Variants in CACNA1C observed in about 807,000 individuals in gnomAD.
CACNA1C encodes the protein calcium voltage-gated channel subunit alpha1 C.
In CACNA1C, 30 loss-of-function variants were observed where a neutral mutation model predicts 229.0. That is an observed-to-expected ratio of 0.13 (90% CI 0.10 to 0.18). The LOEUF (loss-of-function observed/expected upper bound fraction) is 0.18, where lower values mean the gene tolerates loss of function less well. CACNA1C is among the 10% of genes least tolerant of loss of function. The pLI is 1.00. For missense variants in CACNA1C, 1,658 were observed against 2,845.0 expected (o/e 0.58, Z 9.49); for synonymous variants, 1,114 against 1,132.5 (o/e 0.98, Z 0.33).
intron 1 of CACNA1C, among the ~76,000 whole-genome samples, chr12:2,060,243 G>A (rs2056964340): frequency 6.6e-6 from 1 of 152,162 alleles, no homozygotes; most frequent in Non-Finnish European, 1.5e-5. Flanking sequence ...GACTTCCCTG[G>A]TGAGCTGCTG....
intron 3 of CACNA1C, among the ~76,000 whole-genome samples, chr12:2,188,961 C>T (rs1471458802): frequency 6.6e-6 from 1 of 151,836 alleles, no homozygotes; most frequent in Non-Finnish European, 1.5e-5. Flanking sequence ...GCCGTGGTGG[C>T]GGGTGCCTGT....
chr12:2,252,408 GGGTTGTA>G (rs1447763311), intron 3 of CACNA1C, among the ~76,000 whole-genome samples: 1 of 152,180 alleles, frequency 6.6e-6, no homozygotes, highest in Non-Finnish European at 1.5e-5. Context: ...ACAAACGTTT[GGGTTGTA>G]GGACAGTGTA....
At chr12:2,192,889 G>A (rs1279634906) in intron 3 of CACNA1C, among the ~76,000 whole-genome samples, 5 of 152,202 alleles carry the variant, frequency 3.3e-5, no homozygotes, top group African/African-American at 1.2e-4. Context: ...GTGTTTTTCC[G>A]AGGAGGTGGG....
At chr12:2,182,803 C>T (rs1331643419) in intron 3 of CACNA1C, among the ~76,000 whole-genome samples, 4 of 152,146 alleles carry the variant, frequency 2.6e-5, no homozygotes, top group Non-Finnish European at 5.9e-5. Context: ...GATGAAGGCA[C>T]ACCCCACCCT....
At position 2,610,617 on chromosome 12, in the gene CACNA1C, T is replaced by C; in HGVS notation, c.3635T>C (p.Val1212Ala). ...YIPKNQHQYK[V>A]WYVVNSTYFE... The stretch of plus-strand genomic sequence containing the variant: ...CCCAAGAACCAGCACCAGTACAAAG[T>C]GTGGTACGTGGTCAACTCCACCTAC... Residue 1212 changes from valine to alanine, a missense_variant, in exon 28 of 47, where the codon GTG becomes GCG. Physicochemically the swap from Val to Ala is moderately conservative, Grantham distance 64. Around this residue, in one of 20 missense-constraint regions of CACNA1C, gnomAD observed 67 missense variants for 106.4 expected, o/e 0.63. Coordinates refer to ENST00000399655, the MANE Select transcript of CACNA1C (RefSeq NM_000719.7). 6.2e-7 allele frequency: 1 copy of C among 1,614,148 alleles called. No individual in the cohort carries two copies. Among genetic ancestry groups the C allele is most frequent in the Non-Finnish European group, 8.5e-7 (1 of 1,180,000 alleles).
intron 1 of CACNA1C, among the ~76,000 whole-genome samples, chr12:2,099,806 C>T (rs922050636): frequency 2.0e-5 from 3 of 152,274 alleles, no homozygotes; most frequent in Admixed American, 2.0e-4. Flanking sequence ...GGCCGCTTCC[C>T]CATTACCCCC....
intron 1 of CACNA1C, among the ~76,000 whole-genome samples, chr12:2,083,685 TCA>T: frequency 1.3e-5 from 2 of 152,372 alleles, no homozygotes; most frequent in Middle Eastern, 6.8e-3. Context: ...ATTGCTACTC[TCA>T]GTGCTTGGAG....
At chr12:2,164,880 T>G (rs1046737252) in intron 3 of CACNA1C, among the ~76,000 whole-genome samples, 1 of 152,182 alleles carries the variant, frequency 6.6e-6, no homozygotes, top group Admixed American at 6.5e-5. Flanking sequence ...CACTCAATGG[T>G]GGCAGTCATC....
chr12:2,305,178 G>T (rs1281506099), intron 3 of CACNA1C, among the ~76,000 whole-genome samples: 1 of 152,140 alleles, frequency 6.6e-6, no homozygotes, highest in Admixed American at 6.5e-5. Flanking sequence ...TATTCAGTTT[G>T]GTTTTGCTTT....
At chr12:2,547,619 G>T (rs2099884033) in intron 9 of CACNA1C, 2 of 731,564 alleles carry the variant, frequency 2.7e-6, no homozygotes, top group Non-Finnish European at 5.1e-6. Flanking sequence ...TGCCGCAGTA[G>T]TTCTGTGTGT....
At chr12:2,337,006 C>T (rs2096716560) in intron 3 of CACNA1C, among the ~76,000 whole-genome samples, 1 of 152,218 alleles carries the variant, frequency 6.6e-6, no homozygotes, top group African/African-American at 2.4e-5. Context: ...TTCATCCATT[C>T]ACCATCCATC....
rs572993327 is a variant in CACNA1C at position 2,472,047 on chromosome 12, C to T, written c.758-14057C>T. ...TTGCTGACTGCTTTTAAAATTTTCT[C>T]TCTCAGTTTTCAGCAGTTTGACTAT... is the stretch of plus-strand genomic sequence containing the variant. On this transcript the variant is annotated intron_variant, in intron 5 of 46. Transcript: ENST00000399655. Among the ~76,000 whole-genome samples, 17 of 152,326 alleles carry T rather than the reference C, an allele frequency of 1.1e-4. 1 individual carries two copies. The East Asian group carries it at 3.3e-3, about 29-fold the overall frequency.
intron 10 of CACNA1C, among the ~76,000 whole-genome samples, chr12:2,550,825 G>C (rs1236315748): frequency 1.3e-5 from 2 of 152,184 alleles, no homozygotes; most frequent in African/African-American, 4.8e-5. Flanking sequence ...CTTGAGCGTG[G>C]CCTGGGAGCC....
chr12:2,122,343 A>G (rs942167341), intron 3 of CACNA1C, among the ~76,000 whole-genome samples: 26 of 152,244 alleles, frequency 1.7e-4, no homozygotes, highest in African/African-American at 6.3e-4. Context: ...AAAAAGCTGC[A>G]GATGACTTCT....
At chr12:2,242,715 G>T (rs74439679) in intron 3 of CACNA1C, among the ~76,000 whole-genome samples, 1,694 of 152,324 alleles carry the variant, frequency 0.011, 26 homozygotes, top group African/African-American at 0.038. Flanking sequence ...AGAACCTAAA[G>T]ACTTGGGCCC....
chr12:2,140,737 C>T lies in CACNA1C; in HGVS notation c.477+20307C>T, dbSNP rs149812179. 8.8e-3 allele frequency among the ~76,000 whole-genome samples: 1,337 copies of T among 151,452 alleles called. 41 individuals carry two copies. The highest frequency in any genetic ancestry group is 0.03 in the African/African-American group (1,261 of 41,482). On this transcript the variant is annotated intron_variant, in intron 3 of 46. Transcript: ENST00000399655. ...TTCCTTCTGTCATATTTATTAAATG[C>T]CTACTGTGTACCAGGCTAGGTGCTG...
intron 3 of CACNA1C, among the ~76,000 whole-genome samples, chr12:2,264,927 G>T (rs912109893): frequency 6.6e-6 from 1 of 152,144 alleles, no homozygotes; most frequent in African/African-American, 2.4e-5. Flanking sequence ...TCCTGCGTTG[G>T]CTCCTTTCAC....
chr12:2,413,423 C>T (rs1426499164), intron 3 of CACNA1C, among the ~76,000 whole-genome samples: 1 of 152,204 alleles, frequency 6.6e-6, no homozygotes, highest in African/African-American at 2.4e-5. Context: ...CCCCAACACT[C>T]TTCCCCTCCT....
intron 3 of CACNA1C, among the ~76,000 whole-genome samples, chr12:2,318,434 A>G (rs1015475665): frequency 6.6e-6 from 1 of 152,244 alleles, no homozygotes; most frequent in Non-Finnish European, 1.5e-5. Flanking sequence ...CCCCAGTAAA[A>G]TCAATCCCAG....
Sources: gnomAD v4.1 joint callset for allele counts (sites outside exome capture counted in the v4.1 genomes callset) on GRCh38, gnomAD v4.1.1 for gene constraint, gnomAD v4.1.1 regional missense constraint, MANE v1.5 for transcripts, NCBI Gene and HGNC (gene_info 2026-07-23, HGNC 2026-07-21) for gene names.